Variants in CELSR2 observed in about 807,000 individuals in gnomAD.
CELSR2 encodes cadherin EGF LAG seven-pass G-type receptor 2, also known as EGF-like protein 2.
In CELSR2, 81 loss-of-function variants were observed where a neutral mutation model predicts 251.6. That is an observed-to-expected ratio of 0.32 (90% confidence interval 0.27 to 0.39). CELSR2 has a LOEUF of 0.39. Ranked by LOEUF, CELSR2 falls within the 10% of genes least tolerant of loss-of-function variation. The pLI is 1.00. For missense variants in CELSR2, 3,365 were observed against 3,947.7 expected, an observed-to-expected ratio of 0.85 and a Z score of 3.96; for synonymous variants, 1,721 against 1,670.5, an observed-to-expected ratio of 1.03 and a Z score of -0.74.
Position 109,258,565 on chromosome 1 carries a change from C to T in CELSR2, c.3444C>T (p.Leu1148=). The T allele has an allele frequency of 1.9e-6, 3 of 1,604,024 alleles. No homozygotes were observed. Among genetic ancestry groups the T allele is most frequent in the Non-Finnish European group, 2.6e-6 (3 of 1,175,876 alleles). ...PERFLSPLLG[L]FIQAVAATLA... is the part of the protein sequence containing the mutation. ...GCTTCCTGTCACCACTGCTAGGCCT[C>T]TTCATCCAGGCGGTGGCCGCCACGC... is the stretch of plus-strand genomic sequence containing the variant. The change falls in exon 2 of 34, where the codon CTC becomes CTT. Residue 1148 remains leucine, a synonymous_variant. Transcript: ENST00000271332.
In CELSR2 at chr1:109,262,927, A is replaced by G. The variant is rs202072115; in HGVS notation, c.4666A>G (p.Ile1556Val). 131 of 1,613,718 alleles carry G rather than the reference A, an allele frequency of 8.1e-5. No homozygotes were observed. The highest frequency in any genetic ancestry group is 1.1e-4 in the Non-Finnish European group (124 of 1,180,014). The change falls in exon 7 of 34, where the codon ATA becomes GTA. Residue 1556 changes from isoleucine (I) to valine (V), a missense_variant. Around this residue, in one of 5 missense-constraint regions of CELSR2, gnomAD observed 2,093 missense variants for 2,382.8 expected, o/e 0.88. Transcript: ENST00000271332. ...MRNLQVDSRH[I>V]DMADFIANNG... Reference sequence around the variant, plus strand: ...GAACCTGCAGGTGGACAGCCGGCACATAGACATGGCTGACTTCATTGCCAA... The same window carrying G: ...GAACCTGCAGGTGGACAGCCGGCACGTAGACATGGCTGACTTCATTGCCAA...
chr1:109,255,136 G>A (rs572067953), intron 1 of CELSR2, among the ~76,000 whole-genome samples: 4 of 152,296 alleles, frequency 2.6e-5, no homozygotes, highest in African/African-American at 7.2e-5. Context: ...CTCTCCCTTC[G>A]GCCCTGACCC....
chr1:109,269,247 G>A lies in CELSR2; in HGVS notation c.6769G>A (p.Gly2257Arg), dbSNP rs143064921. ...CGTCATCATCTACCGCACCCTGGCC[G>A]GGCTACTGCCTCATAACTATGACCC... is the stretch of plus-strand genomic sequence containing the variant. ...ASVIIYRTLA[G>R]LLPHNYDPDK... is the part of the protein sequence containing the mutation. The change falls in exon 20 of 34, where the codon GGG (glycine) becomes AGG (arginine). Residue 2257 changes from glycine (G) to arginine (R), a missense_variant. Around this residue, in one of 5 missense-constraint regions of CELSR2, gnomAD observed 2,093 missense variants for 2,382.8 expected, o/e 0.88. Transcript: ENST00000271332. The surrounding 1 kb of genome is among the most constrained non-coding windows in gnomAD (Gnocchi z 6.4). The A allele has an allele frequency of 1.8e-4, 286 of 1,612,964 alleles. 1 individual carries two copies. The highest frequency in any genetic ancestry group is 1.3e-3 in the Middle Eastern group (8 of 6,080).
In CELSR2 at chr1:109,274,073, C is replaced by T. The variant is rs756584619; in HGVS notation, c.*24C>T. ...AACCCTGGGCCGTGGTTCCTACGCC[C>T]GAGGCTCCCTTCCCTTCCCCAGCCG... On this transcript the variant is annotated 3_prime_UTR_variant, in exon 34 of 34. Coordinates refer to ENST00000271332, the MANE Select transcript of CELSR2 (RefSeq NM_001408.3). 19 of 1,613,922 alleles carry T rather than the reference C, an allele frequency of 1.2e-5. No individual in the cohort carries two copies. The highest frequency in any genetic ancestry group is 6.7e-5 in the East Asian group (3 of 44,868).
At chr1:109,255,824 G>A (rs1306281826) in intron 1 of CELSR2, among the ~76,000 whole-genome samples, 1 of 152,264 alleles carries the variant, frequency 6.6e-6, no homozygotes. Context: ...AGAGCAGTGG[G>A]TTGACTGTTG....
chr1:109,261,369 G>A lies in CELSR2; in HGVS notation c.4181+105G>A. ...GGTCAGGCAGTGAAAGCGTGGAGCA[G>A]GCTGCCGGCAGAGCCAGGTCTGCTC... is the stretch of plus-strand genomic sequence containing the variant. On this transcript the variant is annotated intron_variant, in intron 3 of 33. Coordinates refer to ENST00000271332, the MANE Select transcript of CELSR2 (RefSeq NM_001408.3). The surrounding 1 kb of genome is among the most constrained non-coding windows in gnomAD (Gnocchi z 4.8). 7.2e-7 allele frequency: 1 copy of A among 1,384,844 alleles called. No homozygotes were observed. Among genetic ancestry groups the A allele is most frequent in the Non-Finnish European group, 1.0e-6 (1 of 986,118 alleles). 85.8% of individuals were successfully genotyped at this position (1,384,844 alleles called of 1,614,324 possible). A position where few individuals can be genotyped will look rare whatever the true frequency, so the allele number is the denominator to read the frequency against.
At position 109,252,578 on chromosome 1, in the gene CELSR2, C is replaced by T. The variant is rs376437956; in HGVS notation, c.2499C>T (p.Ser833=). ...ATGAGGATGTGCCACCCTTCACTAG[C>T]GTCCTGCAGATCTCAGCCACTGATC... ...SVYEDVPPFT[S]VLQISATDRD... is the part of the protein sequence containing the mutation. The change falls in exon 1 of 34, where the codon AGC becomes AGT. Residue 833 remains serine, a synonymous_variant. Transcript: ENST00000271332. The surrounding 1 kb of genome is among the most constrained non-coding windows in gnomAD (Gnocchi z 4.8). 85 of 1,613,790 alleles carry T rather than the reference C, an allele frequency of 5.3e-5. No individual in the cohort carries two copies. The highest frequency in any genetic ancestry group is 6.7e-5 in the Non-Finnish European group (79 of 1,180,052).
rs1656018542 is a variant in CELSR2, at chr1:109,261,431, C to T, written c.4182-82C>T. On this transcript the variant is annotated intron_variant, in intron 3 of 33. Transcript: ENST00000271332. This position sits in a 1 kb window ranked among gnomAD's most constrained non-coding sequence, Gnocchi z 4.8. Reference sequence around the variant, plus strand: ...TGTGGTTCTGCCAGCAGATCTCCCTCCCCTGCGCTGGTTAGGTGGCGGGGG... The same window carrying T: ...TGTGGTTCTGCCAGCAGATCTCCCTTCCCTGCGCTGGTTAGGTGGCGGGGG... 1.4e-6 allele frequency: 2 copies of T among 1,425,502 alleles called. No homozygotes were observed. Among genetic ancestry groups the T allele is most frequent in the South Asian group, 2.3e-5 (2 of 86,524 alleles). 88.3% of individuals were successfully genotyped at this position (1,425,502 alleles called of 1,614,324 possible).
Position 109,268,581 on chromosome 1 carries a change from A to C in CELSR2, c.6319A>C (p.Asn2107His), listed in dbSNP as rs1656274232. The change falls in exon 18 of 34, where the codon AAT becomes CAT. Residue 2107 changes from asparagine (N) to histidine (H), a missense_variant and splice_region_variant. Transcript: ENST00000271332. ...SATQDVHFTE[N>H]LLRVGSALLD... is the part of the protein sequence containing the mutation. ...CCCACCGTGACCTTGCCCACCCCAG[A>C]ATCTGCTGCGGGTGGGCAGCGCCCT... is the stretch of plus-strand genomic sequence containing the variant. The C allele has an allele frequency of 6.2e-7, 1 of 1,605,604 alleles. No homozygotes were observed. The highest frequency in any genetic ancestry group is 1.3e-5 in the African/African-American group (1 of 74,774).
At chr1:109,254,243 G>A (rs149841512) in intron 1 of CELSR2, among the ~76,000 whole-genome samples, 2,193 of 152,098 alleles carry the variant, frequency 0.014, 25 homozygotes, top group Non-Finnish European at 0.024. Flanking sequence ...GACCAGGACA[G>A]GCCAGTGGAC....
In CELSR2 at chr1:109,264,116, A is replaced by G. The variant is rs377023561; in HGVS notation, c.5040A>G (p.Thr1680=). 5.0e-6 allele frequency: 8 copies of G among 1,598,884 alleles called. No homozygotes were observed. The highest frequency in any genetic ancestry group is 4.4e-5 in the South Asian group (4 of 90,484). The part of the protein sequence containing the change: ...EGHVMLSVEG[T]GLQASSLRLE... ...ACGTGATGCTGAGCGTGGAGGGCACAGGGCTTCAGGCCTCCTCTCTCCGTC... is the reference window on the plus strand; with the variant it reads ...ACGTGATGCTGAGCGTGGAGGGCACGGGGCTTCAGGCCTCCTCTCTCCGTC... Residue 1680 remains threonine (T), a synonymous_variant, in exon 10 of 34, where the codon ACA becomes ACG. Transcript: ENST00000271332.
At chr1:109,271,075 G>A (rs1656357384) in intron 25 of CELSR2, 36 bp downstream of exon 25, 1 of 1,566,360 alleles carries the variant, frequency 6.4e-7, no homozygotes, top group South Asian at 1.1e-5. Context: ...GTCACCTGTG[G>A]CCCTCCTTTG....
Position 109,251,171 on chromosome 1 carries a change from G to C in CELSR2, c.1092G>C (p.Gln364His). The change falls in exon 1 of 34, where the codon CAG becomes CAC. Residue 364 changes from glutamine to histidine, a missense_variant. Physicochemically the swap from Gln to His is conservative, Grantham distance 24 (BLOSUM62 0). Coordinates refer to ENST00000271332, the MANE Select transcript of CELSR2 (RefSeq NM_001408.3). The surrounding 1 kb of genome is among the most constrained non-coding windows in gnomAD (Gnocchi z 4.9). Reference protein sequence around the residue: ...PVDREEVESYQLTVEASDQGR... With the variant: ...PVDREEVESYHLTVEASDQGR... ...ATCGGGAAGAGGTGGAATCCTACCAGCTGACGGTAGAGGCAAGTGACCAGG... is the reference window on the plus strand; with the variant it reads ...ATCGGGAAGAGGTGGAATCCTACCACCTGACGGTAGAGGCAAGTGACCAGG... 6.2e-7 allele frequency: 1 copy of C among 1,613,486 alleles called. No individual in the cohort carries two copies. Among genetic ancestry groups the C allele is most frequent in the African/African-American group, 1.3e-5 (1 of 75,042 alleles).
chr1:109,274,045 A>C lies in CELSR2; in HGVS notation c.8768A>C (p.His2923Pro). ...GSEFLFFNFL[H>P] The stretch of plus-strand genomic sequence containing the variant: ...AGATTTCTCTTCTTTAACTTCCTGC[A>C]TTAACCCTGGGCCGTGGTTCCTACG... Residue 2923 changes from histidine to proline, a missense_variant, in exon 34 of 34, where the codon CAT becomes CCT. Transcript: ENST00000271332. The C allele has an allele frequency of 6.2e-7, 1 of 1,613,944 alleles. No individual in the cohort carries two copies. The highest frequency in any genetic ancestry group is 1.6e-4 in the Middle Eastern group (1 of 6,062).
Position 109,258,591 on chromosome 1 carries a change from T to C in CELSR2, c.3470T>C (p.Leu1157Pro). ...GLFIQAVAAT[L>P]ATPPDHVVVF... ...TTCATCCAGGCGGTGGCCGCCACGC[T>C]GGCCACGCCACCGGACCACGTGGTG... Residue 1157 changes from leucine (L) to proline (P), a missense_variant, in exon 2 of 34, where the codon CTG becomes CCG. This residue lies in a region of CELSR2 where 505 missense variants were observed against 660.0 expected (regional missense o/e 0.77). Coordinates refer to ENST00000271332, the MANE Select transcript of CELSR2 (RefSeq NM_001408.3). The C allele has an allele frequency of 6.3e-7, 1 of 1,596,110 alleles. No individual in the cohort carries two copies. Among genetic ancestry groups the C allele is most frequent in the Non-Finnish European group, 8.5e-7 (1 of 1,171,800 alleles).
At position 109,253,008 on chromosome 1, in the gene CELSR2, G is replaced by C; in HGVS notation, c.2929G>C (p.Glu977Gln). ...EVFQLDIFSG[E>Q]LTALVDLDYE... Reference sequence around the variant, plus strand: ...CTTTCAGCTGGACATCTTCTCCGGGGAGCTGACAGCCCTGGTAGACTTAGA... The same window carrying C: ...CTTTCAGCTGGACATCTTCTCCGGGCAGCTGACAGCCCTGGTAGACTTAGA... The change falls in exon 1 of 34, where the codon GAG becomes CAG. Residue 977 changes from glutamate (E) to glutamine (Q), a missense_variant. Glu to Gln is a conservative substitution (Grantham distance 29). Around this residue, in one of 5 missense-constraint regions of CELSR2, gnomAD observed 505 missense variants for 660.0 expected, o/e 0.77. Transcript: ENST00000271332. The C allele has an allele frequency of 6.2e-7, 1 of 1,612,778 alleles. No individual in the cohort carries two copies. The highest frequency in any genetic ancestry group is 8.5e-7 in the Non-Finnish European group (1 of 1,179,294).
At position 109,265,805 on chromosome 1, in the gene CELSR2, C is replaced by T; in HGVS notation, c.5798C>T (p.Ser1933Phe). The T allele has an allele frequency of 6.2e-7, 1 of 1,614,102 alleles. No individual in the cohort carries two copies. The highest frequency in any genetic ancestry group is 8.5e-7 in the Non-Finnish European group (1 of 1,180,002). The change falls in exon 14 of 34, where the codon TCC becomes TTC. Residue 1933 changes from serine (S) to phenylalanine (F), a missense_variant. Around this residue, in one of 5 missense-constraint regions of CELSR2, gnomAD observed 2,093 missense variants for 2,382.8 expected, o/e 0.88. Transcript: ENST00000271332. ...GACTGCTACCCCACAGGCTCCTTGT[C>T]CAGAGTCTGTGACCCTGAGGATGGC... The part of the protein sequence containing the change: ...LCDCYPTGSL[S>F]RVCDPEDGQC...
Position 109,270,080 on chromosome 1 carries a change from C to G in CELSR2, c.7255C>G (p.Leu2419Val), listed in dbSNP as rs956734750. 1 of 1,614,164 alleles carries G rather than the reference C, an allele frequency of 6.2e-7. No individual in the cohort carries two copies. Among genetic ancestry groups the G allele is most frequent in the African/African-American group, 1.3e-5 (1 of 75,034 alleles). The change falls in exon 23 of 34, where the codon CTG becomes GTG. Residue 2419 changes from leucine to valine, a missense_variant. Around this residue, in one of 5 missense-constraint regions of CELSR2, gnomAD observed 2,093 missense variants for 2,382.8 expected, o/e 0.88. Coordinates refer to ENST00000271332, the MANE Select transcript of CELSR2 (RefSeq NM_001408.3). ...HGIRRNLTAALGLAQLVFLLG... is the reference protein window; with the variant it reads ...HGIRRNLTAAVGLAQLVFLLG... Reference sequence around the variant, plus strand: ...CATCCGACGTAACCTGACAGCTGCCCTGGGCCTGGCTCAGCTGGTCTTCCT... The same window carrying G: ...CATCCGACGTAACCTGACAGCTGCCGTGGGCCTGGCTCAGCTGGTCTTCCT...
At chr1:109,264,401 C>G in intron 10 of CELSR2, 36 bp downstream of exon 10, 3 of 1,597,632 alleles carry the variant, frequency 1.9e-6, no homozygotes, top group South Asian at 2.2e-5. Context: ...TCCCCTCCCC[C>G]ACCACCTGCA....
Sources: allele counts gnomAD v4.1 joint callset (sites outside exome capture counted in the v4.1 genomes callset), GRCh38; gene constraint gnomAD v4.1.1; regional missense constraint gnomAD v4.1.1; non-coding constraint Gnocchi (gnomAD v3.1); transcripts MANE v1.5; gene names NCBI Gene and HGNC (gene_info 2026-07-23, HGNC 2026-07-21).